The following AVL9 variants were observed in gnomAD, a reference collection of about 807,000 sequenced individuals.
AVL9 encodes the protein AVL9 cell migration associated.
In AVL9, 49 loss-of-function variants were observed where a neutral mutation model predicts 79.2. The observed-to-expected ratio is 0.62, with a 90% CI of 0.49 to 0.79. The LOEUF (loss-of-function observed/expected upper bound fraction) is 0.79, where lower values mean the gene tolerates loss of function less well. Among genes scored for constraint, AVL9 ranks in the 30% least tolerant of loss-of-function variants. The pLI, the probability that AVL9 is intolerant of heterozygous loss-of-function variation, is 0.00. For missense variants in AVL9, 682 were observed against 776.8 expected, an observed-to-expected ratio of 0.88 and a Z score of 1.45; for synonymous variants, 299 against 280.6, an observed-to-expected ratio of 1.07 and a Z score of -0.65.
rs1055700787 is a variant in AVL9, at chr7:32,588,700, G to T, written c.*4793G>T. 1 of 146,024 alleles carries T rather than the reference G, an allele frequency of 6.8e-6. No homozygotes were observed. The highest frequency in any genetic ancestry group is 2.6e-5 in the African/African-American group (1 of 39,046). The allele number at this position is 146,024 out of a possible 1,614,324, so 9.0% of individuals were successfully genotyped here. A position where few individuals can be genotyped will look rare whatever the true frequency, so the allele number is the denominator to read the frequency against. ...GCATAAATGAGAATAAAATGATCCT[G>T]TTCACCCTGCCTACAGTTGGACTTG... On this transcript the variant is annotated 3_prime_UTR_variant, in exon 16 of 16. Transcript: ENST00000318709.
intron 1 of AVL9, among the ~76,000 whole-genome samples, chr7:32,520,378 A>G (rs1400063043): frequency 6.6e-6 from 1 of 152,208 alleles, no homozygotes; most frequent in Non-Finnish European, 1.5e-5. Context: ...TGAATGAAAG[A>G]GCTTGTTTGT....
At chr7:32,526,497 G>C (rs905346822) in intron 1 of AVL9, among the ~76,000 whole-genome samples, 7 of 152,148 alleles carry the variant, frequency 4.6e-5, no homozygotes, top group Non-Finnish European at 8.8e-5. Context: ...TTATAAACCA[G>C]TTTGCACAGG....
Position 32,559,260 on chromosome 7 carries a change from T to A in AVL9, c.1011T>A (p.Ser337Arg). ...GTGACTGGGAAACTTTGGATCCTAG[T>A]GTCTTAGAGGACCCCAACTTGAAAG... Reference protein sequence around the residue: ...SESDWETLDPSVLEDPNLKER... With the variant: ...SESDWETLDPRVLEDPNLKER... The change falls in exon 10 of 16, where the codon AGT becomes AGA. Residue 337 changes from serine (S) to arginine (R), a missense_variant. Transcript: ENST00000318709. The A allele has an allele frequency of 6.2e-7, 1 of 1,614,228 alleles. No homozygotes were observed. Among genetic ancestry groups the A allele is most frequent in the Non-Finnish European group, 8.5e-7 (1 of 1,180,036 alleles).
At chr7:32,526,934 G>A (rs1426510253) in intron 1 of AVL9, among the ~76,000 whole-genome samples, 1 of 152,144 alleles carries the variant, frequency 6.6e-6, no homozygotes, top group East Asian at 1.9e-4. Context: ...AATTTCCTGA[G>A]GCTGCATCCC....
intron 1 of AVL9, chr7:32,536,252 C>A (rs1379676410): frequency 6.6e-6 from 1 of 152,176 alleles, no homozygotes; most frequent in East Asian, 1.9e-4. Flanking sequence ...CTGTGGTTCT[C>A]CCTGGAGCTG....
At position 32,573,368 on chromosome 7, in the gene AVL9, C is replaced by T; in HGVS notation, c.1520C>T (p.Ala507Val). The stretch of plus-strand genomic sequence containing the variant: ...GAGGGAGGTGACGAATGGATCCGGG[C>T]CCAGTTTGCGGTCTACATTCATGCC... ...GWEGGDEWIR[A>V]QFAVYIHALL... The change falls in exon 12 of 16, where the codon GCC becomes GTC. Residue 507 changes from alanine to valine, a missense_variant. Ala to Val is a moderately conservative substitution (Grantham distance 64). Transcript: ENST00000318709. The T allele has an allele frequency of 6.2e-7, 1 of 1,613,756 alleles. No individual in the cohort carries two copies. Among genetic ancestry groups the T allele is most frequent in the Middle Eastern group, 1.6e-4 (1 of 6,062 alleles).
chr7:32,548,729 T>A, intron 3 of AVL9, 118 bp from the exon 4 acceptor site: 1 of 682,136 alleles, frequency 1.5e-6, no homozygotes, highest in South Asian at 2.5e-5. Flanking sequence ...AAAAAACTTT[T>A]TGAATTTAAC....
At chr7:32,573,978 C>T (rs933570058) in intron 12 of AVL9, among the ~76,000 whole-genome samples, 19 of 152,142 alleles carry the variant, frequency 1.2e-4, no homozygotes, top group African/African-American at 4.6e-4. Flanking sequence ...TTAAAACTAT[C>T]TCATTCTCCT....
At chr7:32,566,180 A>ATCATTTTTTTTTTTTTT in intron 10 of AVL9, among the ~76,000 whole-genome samples, 1 of 93,890 alleles carries the variant, frequency 1.1e-5, no homozygotes, top group East Asian at 3.3e-4. Context: ...TATTATTATT[A>ATCATTTTTTTTTTTTTT]TTTTTTTTTT....
intron 1 of AVL9, among the ~76,000 whole-genome samples, chr7:32,524,555 CACAGAG>C (rs1052025735): frequency 5.3e-5 from 4 of 75,266 alleles, no homozygotes; most frequent in East Asian, 4.1e-4. Flanking sequence ...CACACACACA[CACAGAG>C]AGAAAAGAAA....
At chr7:32,565,052 C>T (rs7791736) in intron 10 of AVL9, among the ~76,000 whole-genome samples, 127,572 of 152,172 alleles carry the variant, frequency 0.84, 53,532 homozygotes, top group Middle Eastern at 0.89. Context: ...TTTAAGTCTT[C>T]CCATCTTGTT....
At chr7:32,578,086 G>A (rs1477039070) in intron 13 of AVL9, among the ~76,000 whole-genome samples, 2 of 152,158 alleles carry the variant, frequency 1.3e-5, no homozygotes, top group African/African-American at 2.4e-5. Flanking sequence ...AGAATTGGGG[G>A]CTTGGAGCAT....
intron 1 of AVL9, among the ~76,000 whole-genome samples, chr7:32,520,280 A>C (rs1475140442): frequency 1.3e-5 from 2 of 152,368 alleles, no homozygotes; most frequent in East Asian, 3.9e-4. Flanking sequence ...TCCATTTTAT[A>C]GATTGGTATC....
intron 8 of AVL9, among the ~76,000 whole-genome samples, chr7:32,556,200 C>G (rs1049837858): frequency 6.6e-6 from 1 of 151,922 alleles, no homozygotes; most frequent in African/African-American, 2.4e-5. Context: ...TTTTCTGTAT[C>G]CTATTTTTCT....
chr7:32,567,160 G>A (rs1583587802), intron 10 of AVL9, among the ~76,000 whole-genome samples: 2 of 152,170 alleles, frequency 1.3e-5, no homozygotes, highest in Admixed American at 1.3e-4. Flanking sequence ...GGAGAGCAGT[G>A]GTGTGATCTC....
rs1374373400 is a variant in AVL9, at chr7:32,584,779, G to T, written c.*872G>T. On this transcript the variant is annotated 3_prime_UTR_variant, in exon 16 of 16. Transcript: ENST00000318709. ...ATCTGTTTCTCTTTTTTTTTTTGGG[G>T]GGGGGGGGGGGGCGGGGTCTCACTC... is the stretch of plus-strand genomic sequence containing the variant. The T allele has an allele frequency of 4.0e-5, 2 of 49,732 alleles. No individual in the cohort carries two copies. The highest frequency in any genetic ancestry group is 8.7e-5 in the African/African-American group (1 of 11,534). 3.1% of individuals were successfully genotyped at this position (49,732 alleles called of 1,614,324 possible).
chr7:32,529,739 G>T (rs912719341), intron 1 of AVL9, among the ~76,000 whole-genome samples: 7 of 152,262 alleles, frequency 4.6e-5, no homozygotes, highest in African/African-American at 1.4e-4. Context: ...AAACAATAAA[G>T]TGCATGAAAC....
chr7:32,524,546 A>G (rs1483458898), intron 1 of AVL9, among the ~76,000 whole-genome samples: 2 of 132,688 alleles, frequency 1.5e-5, no homozygotes, highest in African/African-American at 5.7e-5. Context: ...ACACACACAC[A>G]CACACACACA....
chr7:32,579,488 ATATTACATATT>A (rs1791324405), intron 13 of AVL9, among the ~76,000 whole-genome samples: 1 of 12,932 alleles, frequency 7.7e-5, no homozygotes, highest in African/African-American at 3.8e-4. Flanking sequence ...TATATATAAT[ATATTACATATT>A]ATATATTATA....
Sources: gnomAD v4.1 joint callset for allele counts (sites outside exome capture counted in the v4.1 genomes callset) on GRCh38, gnomAD v4.1.1 for gene constraint, MANE v1.5 for transcripts, NCBI Gene and HGNC (gene_info 2026-07-23, HGNC 2026-07-21) for gene names.